The following THRB variants were observed in gnomAD, a reference collection of about 807,000 sequenced individuals.
THRB encodes the protein nuclear receptor subfamily 1 group A member 2.
In THRB, 12 loss-of-function variants were observed where a neutral mutation model predicts 47.8. The observed-to-expected ratio is 0.25, with a 90% CI of 0.16 to 0.41. THRB has a LOEUF of 0.41. Among genes scored for constraint, THRB ranks in the 10% least tolerant of loss-of-function variants. The pLI, the probability that THRB is intolerant of heterozygous loss-of-function variation, is 1.00. For synonymous variants in THRB, 218 were observed against 212.2 expected (o/e 1.03, Z -0.24); for missense variants, 348 against 589.2 (o/e 0.59, Z 4.24).
intron 7 of THRB, among the ~76,000 whole-genome samples, chr3:24,146,382 T>C (rs1161015769): frequency 6.6e-6 from 1 of 152,236 alleles, no homozygotes; most frequent in African/African-American, 2.4e-5. Context: ...TGCTAACAAC[T>C]AGGCCTGCAA....
chr3:24,307,016 C>A (rs2057391974), intron 2 of THRB, among the ~76,000 whole-genome samples: 1 of 151,704 alleles, frequency 6.6e-6, no homozygotes, highest in African/African-American at 2.4e-5. Flanking sequence ...AAAAATGAAT[C>A]ATATGAGAGT....
chr3:24,443,815 T>C (rs996193560), intron 1 of THRB, among the ~76,000 whole-genome samples: 2 of 152,188 alleles, frequency 1.3e-5, no homozygotes, highest in South Asian at 2.1e-4. Context: ...ATTTACATGA[T>C]TATCTTCATA....
chr3:24,360,664 C>A (rs1319477357), intron 1 of THRB, among the ~76,000 whole-genome samples: 4 of 152,092 alleles, frequency 2.6e-5, no homozygotes, highest in Non-Finnish European at 5.9e-5. Flanking sequence ...TTTCATAGCT[C>A]CCCAGGTAGT....
intron 1 of THRB, among the ~76,000 whole-genome samples, chr3:24,471,464 T>C (rs1357333800): frequency 2.0e-5 from 3 of 152,240 alleles, no homozygotes; most frequent in Non-Finnish European, 2.9e-5. Context: ...GCCTCCAACA[T>C]ATATCTAATG....
At chr3:24,221,642 A>G (rs2047172387) in intron 4 of THRB, among the ~76,000 whole-genome samples, 2 of 152,168 alleles carry the variant, frequency 1.3e-5, no homozygotes, top group African/African-American at 4.8e-5. Flanking sequence ...GGGGTTGCTG[A>G]GAAAGAATTT....
At chr3:24,284,837 A>G (rs1417023680) in intron 3 of THRB, among the ~76,000 whole-genome samples, 9 of 152,170 alleles carry the variant, frequency 5.9e-5, no homozygotes, top group African/African-American at 7.2e-5. Context: ...AAAAATGCTC[A>G]CCATCACTGG....
chr3:24,173,393 C>T (rs762731693), intron 5 of THRB, among the ~76,000 whole-genome samples: 30 of 152,168 alleles, frequency 2.0e-4, no homozygotes, highest in Middle Eastern at 3.2e-3. Flanking sequence ...GGAAGAACGG[C>T]GTGCTCCATG....
At chr3:24,130,095 C>T (rs2033602185) in intron 9 of THRB, among the ~76,000 whole-genome samples, 1 of 152,140 alleles carries the variant, frequency 6.6e-6, no homozygotes, top group African/African-American at 2.4e-5. Context: ...GGCTAAAGGT[C>T]ATCAGGAGGC....
intron 1 of THRB, among the ~76,000 whole-genome samples, chr3:24,462,804 T>C (rs905869008): frequency 2.0e-5 from 3 of 152,206 alleles, no homozygotes; most frequent in African/African-American, 7.2e-5. Flanking sequence ...CATTGAAAGA[T>C]GGCAGCAGTC....
At chr3:24,297,074 A>AG (rs2056509048) in intron 3 of THRB, among the ~76,000 whole-genome samples, 152 bp downstream of exon 3, 1 of 152,232 alleles carries the variant, frequency 6.6e-6, no homozygotes, top group Admixed American at 6.5e-5. Flanking sequence ...CATCTTTTGA[A>AG]GGCACTGAAT....
intron 3 of THRB, among the ~76,000 whole-genome samples, chr3:24,264,977 C>T (rs574497836): frequency 1.3e-5 from 2 of 152,180 alleles, no homozygotes; most frequent in East Asian, 1.9e-4. Context: ...TGAGTGATAA[C>T]GCATACTATG....
At position 24,335,203 on chromosome 3, in the gene THRB, G is replaced by T. The variant is rs2062169239; in HGVS notation, c.-189+2097C>A. On this transcript the variant is annotated intron_variant, in intron 2 of 10. Transcript: ENST00000646209. ...ACACACTGGGAGGGCAATGATTCTT[G>T]GCCTCTGTGGTCAGCGGAATCAAAT... is the stretch of plus-strand genomic sequence containing the variant. 2.6e-5 allele frequency among the ~76,000 whole-genome samples: 4 copies of T among 152,100 alleles called. 1 individual carries two copies. In the South Asian group the frequency reaches 8.3e-4, roughly 32 times the overall value.
rs534088156 is a variant in THRB, at chr3:24,198,385, G to A, written c.23-8051C>T. Reference sequence around the variant, plus strand: ...CACAATGTTGATGTGAAGAATACATGAGCCAACACATGGACAAGGTCTAGC... The same window carrying A: ...CACAATGTTGATGTGAAGAATACATAAGCCAACACATGGACAAGGTCTAGC... On this transcript the variant is annotated intron_variant, in intron 4 of 10. Coordinates refer to ENST00000646209, the MANE Select transcript of THRB (RefSeq NM_001354712.2). 4.3e-4 allele frequency among the ~76,000 whole-genome samples: 64 copies of A among 150,206 alleles called. 1 individual carries two copies. In the South Asian group the frequency reaches 0.013, roughly 30 times the overall value.
chr3:24,270,679 T>A (rs1457020111), intron 3 of THRB, among the ~76,000 whole-genome samples: 2 of 152,218 alleles, frequency 1.3e-5, no homozygotes, highest in Non-Finnish European at 1.5e-5. Flanking sequence ...GACAGTGTCC[T>A]GGAAATTTAC....
chr3:24,439,375 G>A (rs568735253), intron 1 of THRB, among the ~76,000 whole-genome samples: 1 of 152,278 alleles, frequency 6.6e-6, no homozygotes, highest in South Asian at 2.1e-4. Flanking sequence ...CTGAACTCCA[G>A]GTAGGTGGTC....
At chr3:24,233,595 G>GAAAGAGAAAGAAAGAAAGAAAGAAAAAT (rs2048530722) in intron 3 of THRB, among the ~76,000 whole-genome samples, 1 of 143,854 alleles carries the variant, frequency 7.0e-6, no homozygotes, top group Non-Finnish European at 1.5e-5. Flanking sequence ...AAGAAAGAAA[G>GAAAGAGAAAGAAAGAAAGAAAGAAAAAT]AAAGAAAGAA....
intron 1 of THRB, among the ~76,000 whole-genome samples, chr3:24,468,353 T>C (rs754726870): frequency 1.3e-5 from 2 of 152,236 alleles, no homozygotes; most frequent in Non-Finnish European, 2.9e-5. Context: ...TTTAATTTTC[T>C]TCAAGAACTT....
At chr3:24,452,578 G>T (rs2072765968) in intron 1 of THRB, among the ~76,000 whole-genome samples, 1 of 152,068 alleles carries the variant, frequency 6.6e-6, no homozygotes, top group South Asian at 2.1e-4. Flanking sequence ...TGAGAAAGAT[G>T]AGGCTCCGAG....
chr3:24,244,393 T>C (rs1302997834), intron 3 of THRB, among the ~76,000 whole-genome samples: 3 of 152,196 alleles, frequency 2.0e-5, no homozygotes, highest in Non-Finnish European at 2.9e-5. Flanking sequence ...GAGTTTTGAA[T>C]TGGGAGTGAG....
Sources: gnomAD v4.1 joint callset for allele counts (sites outside exome capture counted in the v4.1 genomes callset) on GRCh38, gnomAD v4.1.1 for gene constraint, MANE v1.5 for transcripts, NCBI Gene and HGNC (gene_info 2026-07-23, HGNC 2026-07-21) for gene names.